Variants in PRDM16 observed in about 807,000 individuals in gnomAD.
The protein encoded by PRDM16 is PR/SET domain 16, also known as histone-lysine N-methyltransferase PRDM16.
In PRDM16, 23 loss-of-function variants were observed where a neutral mutation model predicts 110.6. The ratio of observed to expected loss-of-function variants is 0.21; its 90% CI spans 0.15 to 0.29. PRDM16 has a LOEUF of 0.29. Among genes scored for constraint, PRDM16 ranks in the 10% least tolerant of loss-of-function variants. The pLI is 1.00. For synonymous variants in PRDM16, 799 were observed against 781.8 expected (o/e 1.02, Z -0.37); for missense variants, 1,615 against 1,794.3 (o/e 0.90, Z 1.81).
intron 3 of PRDM16, among the ~76,000 whole-genome samples, chr1:3,289,722 C>T (rs141860608): frequency 8.1e-4 from 124 of 152,306 alleles, no homozygotes; most frequent in African/African-American, 2.8e-3. Context: ...CAGGACAGCA[C>T]GGATGTGTCC....
chr1:3,217,343 C>A (rs973310474), intron 2 of PRDM16, among the ~76,000 whole-genome samples: 1 of 152,252 alleles, frequency 6.6e-6, no homozygotes, highest in African/African-American at 2.4e-5. Flanking sequence ...GTTCAGAAGA[C>A]GCTGCAGCAG....
chr1:3,079,749 T>G (rs1641977723), intron 1 of PRDM16, among the ~76,000 whole-genome samples: 1 of 152,212 alleles, frequency 6.6e-6, no homozygotes. Flanking sequence ...ATGTTGAGAT[T>G]GTCTCCAGGG....
chr1:3,188,555 G>C (rs556120604), intron 2 of PRDM16, among the ~76,000 whole-genome samples: 3 of 152,300 alleles, frequency 2.0e-5, no homozygotes, highest in Non-Finnish European at 4.4e-5. Flanking sequence ...TTTGTTCCAC[G>C]GTGGCCACCT....
At chr1:3,336,927 A>G (rs945037489) in intron 3 of PRDM16, among the ~76,000 whole-genome samples, 1 of 149,636 alleles carries the variant, frequency 6.7e-6, no homozygotes, top group Non-Finnish European at 1.5e-5. Context: ...GAATGCTTGT[A>G]TGCACATGTG....
At chr1:3,176,406 G>T (rs1322740647) in intron 1 of PRDM16, among the ~76,000 whole-genome samples, 1 of 151,070 alleles carries the variant, frequency 6.6e-6, no homozygotes, top group Non-Finnish European at 1.5e-5. Context: ...GCTGCCTCAT[G>T]CTGGGTCCTG....
At chr1:3,348,424 T>C (rs1224416185) in intron 3 of PRDM16, among the ~76,000 whole-genome samples, 1 of 152,116 alleles carries the variant, frequency 6.6e-6, no homozygotes, top group African/African-American at 2.4e-5. Context: ...TGGGGGCAGC[T>C]CTTCAGCACC....
chr1:3,074,717 A>G (rs1348799642), intron 1 of PRDM16, among the ~76,000 whole-genome samples: 1 of 152,200 alleles, frequency 6.6e-6, no homozygotes, highest in Non-Finnish European at 1.5e-5. Context: ...GAGCAAATGC[A>G]GGAGGCTCAG....
At chr1:3,404,969 C>T in intron 7 of PRDM16, 83 bp downstream of exon 7, 3 of 1,475,318 alleles carry the variant, frequency 2.0e-6, no homozygotes, top group Non-Finnish European at 2.7e-6. Flanking sequence ...CCCTACACCC[C>T]CTGGTCCAAA....
At position 3,315,184 on chromosome 1, in the gene PRDM16, CCTCCCT is replaced by C. The variant is rs372326389; in HGVS notation, c.439-69949_439-69944del. 6.3e-4 allele frequency among the ~76,000 whole-genome samples: 93 copies of C among 147,222 alleles called. 1 individual carries two copies. The highest frequency in any genetic ancestry group is 3.4e-3 in the Middle Eastern group (1 of 292). The stretch of plus-strand genomic sequence containing the variant: ...GTGTCTCCCCCTGCTTCCCTCCCAC[CCTCCCT>C]CTCCCTCTCCCTCTCCCTACATTCT... On this transcript the variant is annotated intron_variant, in intron 3 of 16. Coordinates refer to ENST00000270722, the MANE Select transcript of PRDM16 (RefSeq NM_022114.4).
intron 1 of PRDM16, among the ~76,000 whole-genome samples, chr1:3,102,431 G>C (rs74633240): frequency 0.026 from 3,935 of 152,280 alleles, 220 homozygotes; most frequent in East Asian, 0.22. Context: ...GGGCCCACTG[G>C]TGGGATCTTA....
chr1:3,210,754 GTTTA>G lies in PRDM16; in HGVS notation c.387+24284_387+24287del, dbSNP rs531115913. On this transcript the variant is annotated intron_variant, in intron 2 of 16. Coordinates refer to ENST00000270722, the MANE Select transcript of PRDM16 (RefSeq NM_022114.4). ...CCACTTGTTCATTCACTTATGAGATGTTTATTTCTTTATCCATTCATAGATATGC... is the reference window on the plus strand; with the variant it reads ...CCACTTGTTCATTCACTTATGAGATGTTTCTTTATCCATTCATAGATATGC... 1.4e-3 allele frequency among the ~76,000 whole-genome samples: 217 copies of G among 152,290 alleles called. 1 individual carries two copies. Among genetic ancestry groups the G allele is most frequent in the African/African-American group, 4.9e-3 (202 of 41,560 alleles).
chr1:3,368,739 A>G (rs1162480854), intron 3 of PRDM16, among the ~76,000 whole-genome samples: 1 of 152,200 alleles, frequency 6.6e-6, no homozygotes, highest in African/African-American at 2.4e-5. Context: ...GGTAACATCA[A>G]TAGAGGCAGA....
intron 1 of PRDM16, among the ~76,000 whole-genome samples, chr1:3,151,800 A>G (rs1288532092): frequency 6.6e-6 from 1 of 152,236 alleles, no homozygotes; most frequent in Non-Finnish European, 1.5e-5. Context: ...GTGGGCCGGC[A>G]GGGTCAGCTT....
intron 3 of PRDM16, among the ~76,000 whole-genome samples, chr1:3,364,464 C>T (rs922300955): frequency 6.6e-6 from 1 of 152,192 alleles, no homozygotes; most frequent in Non-Finnish European, 1.5e-5. Flanking sequence ...CTATCTGGGG[C>T]ACTTTCTGGA....
intron 1 of PRDM16, among the ~76,000 whole-genome samples, chr1:3,176,944 A>G (rs949085394): frequency 6.7e-6 from 1 of 150,012 alleles, no homozygotes; most frequent in African/African-American, 2.5e-5. Flanking sequence ...ATTCATTCAC[A>G]TACCCATTCA....
Position 3,425,494 on chromosome 1 carries a change from C to G in PRDM16, c.2940-87C>G. 1 of 1,406,162 alleles carries G rather than the reference C, an allele frequency of 7.1e-7. No individual in the cohort carries two copies. The highest frequency in any genetic ancestry group is 9.8e-7 in the Non-Finnish European group (1 of 1,020,508). The allele number at this position is 1,406,162 out of a possible 1,614,324, so 87.1% of individuals were successfully genotyped here. A position where few individuals can be genotyped will look rare whatever the true frequency, so the allele number is the denominator to read the frequency against. ...CTGTGCACGGGGCACGGGGCAGGGG[C>G]GCGGGCTCCCTTCCCCCCACCCTCT... On this transcript the variant is annotated intron_variant, in intron 12 of 16. Transcript: ENST00000270722. The surrounding 1 kb of genome is among the most constrained non-coding windows in gnomAD (Gnocchi z 6.9).
chr1:3,114,716 C>T (rs370264191), intron 1 of PRDM16, among the ~76,000 whole-genome samples: 1 of 152,256 alleles, frequency 6.6e-6, no homozygotes, highest in African/African-American at 2.4e-5. Context: ...AGGGAAGGCA[C>T]CCTCCTGCAG....
intron 3 of PRDM16, among the ~76,000 whole-genome samples, chr1:3,332,691 C>T (rs1351106704): frequency 6.6e-6 from 1 of 152,096 alleles, no homozygotes; most frequent in African/African-American, 2.4e-5. Context: ...GAGGCTTTCA[C>T]CACCCCAGGA....
intron 12 of PRDM16, among the ~76,000 whole-genome samples, chr1:3,418,946 C>T (rs1638350399): frequency 6.6e-6 from 1 of 152,126 alleles, no homozygotes; most frequent in Non-Finnish European, 1.5e-5. Context: ...GCAGGAGGTG[C>T]CCAGGAACCT....
Sources: allele counts gnomAD v4.1 joint callset (sites outside exome capture counted in the v4.1 genomes callset), GRCh38; gene constraint gnomAD v4.1.1; non-coding constraint Gnocchi (gnomAD v3.1); transcripts MANE v1.5; gene names NCBI Gene and HGNC (gene_info 2026-07-23, HGNC 2026-07-21).